The following CYP51A1 variants were observed in gnomAD, a reference collection of about 807,000 sequenced individuals.
CYP51A1 encodes the protein lanosterol 14-alpha demethylase.
Under a neutral mutation model 53.5 loss-of-function variants are expected in CYP51A1, and 45 were observed. The observed-to-expected ratio is 0.84, with a 90% CI of 0.66 to 1.08. CYP51A1 has a LOEUF of 1.08. CYP51A1 is among the 50% of genes least tolerant of loss of function. The pLI is 0.00. For synonymous variants in CYP51A1, 181 were observed against 217.7 expected, an observed-to-expected ratio of 0.83 and a Z score of 1.48; for missense variants, 462 against 621.7, an observed-to-expected ratio of 0.74 and a Z score of 2.73.
intron 3 of CYP51A1, among the ~76,000 whole-genome samples, chr7:92,128,653 T>C (rs543651963): frequency 2.2e-4 from 34 of 152,180 alleles, no homozygotes; most frequent in African/African-American, 7.5e-4. Context: ...CCCACCCAGC[T>C]AATTTTTGTA....
intron 5 of CYP51A1, among the ~76,000 whole-genome samples, chr7:92,125,144 C>CAAA (rs1232943204): frequency 3.4e-4 from 23 of 67,116 alleles, no homozygotes; most frequent in Admixed American, 1.9e-3. Flanking sequence ...ACTCCATCAC[C>CAAA]AAAAAAAAAA....
Position 92,128,990 on chromosome 7 carries a change from C to T in CYP51A1, c.358G>A (p.Ala120Thr). Reference sequence around the variant, plus strand: ...TTTTTACTATTAAAAAGCAGTGCAGCAGCATCACTCCCCAGAAGGTAAGTA... The same window carrying T: ...TTTTTACTATTAAAAAGCAGTGCAGTAGCATCACTCCCCAGAAGGTAAGTA... ...TFTYLLGSDA[A>T]ALLFNSKNED... Residue 120 changes from alanine (A) to threonine (T), a missense_variant, in exon 3 of 10, where the codon GCT (alanine) becomes ACT (threonine). By Grantham distance (58) the Ala-to-Thr change is moderately conservative. Coordinates refer to ENST00000003100, the MANE Select transcript of CYP51A1 (RefSeq NM_000786.4). The T allele has an allele frequency of 1.2e-6, 2 of 1,613,846 alleles. No homozygotes were observed. The highest frequency in any genetic ancestry group is 8.5e-7 in the Non-Finnish European group (1 of 1,179,844).
intron 5 of CYP51A1, among the ~76,000 whole-genome samples, chr7:92,124,972 T>C (rs1267597764): frequency 2.0e-5 from 3 of 152,082 alleles, no homozygotes; most frequent in East Asian, 1.9e-4. Flanking sequence ...TGAAACCCCA[T>C]CTCTACTAAA....
chr7:92,128,825 G>A (rs1819861193), intron 3 of CYP51A1, 55 bp downstream of exon 3: 2 of 1,398,930 alleles, frequency 1.4e-6, no homozygotes, highest in Non-Finnish European at 2.0e-6. Flanking sequence ...CTCACTATTA[G>A]CTATAACTAC....
At chr7:92,134,548 C>G, upstream of CYP51A1, 1 of 611,876 alleles carries the variant, frequency 1.6e-6, no homozygotes, top group Non-Finnish European at 2.8e-6. Context: ...GGATGTTCCG[C>G]TGGCCACGCC....
Position 92,129,064 on chromosome 7 carries a change from G to A in CYP51A1, c.292-8C>T, listed in dbSNP as rs769180947. ...ACTAAATACAGGTCCATACTAAAAA[G>A]AGAAAAGTACATATAGTGATGTTAC... On this transcript the variant is annotated splice_polypyrimidine_tract_variant and splice_region_variant and intron_variant, in intron 2 of 9. Coordinates refer to ENST00000003100, the MANE Select transcript of CYP51A1 (RefSeq NM_000786.4). The A allele has an allele frequency of 2.5e-6, 4 of 1,599,004 alleles. No homozygotes were observed. Among genetic ancestry groups the A allele is most frequent in the Admixed American group, 1.7e-5 (1 of 58,032 alleles).
intron 5 of CYP51A1, among the ~76,000 whole-genome samples, chr7:92,124,519 T>C (rs1563179779): frequency 6.6e-6 from 1 of 152,208 alleles, no homozygotes; most frequent in African/African-American, 2.4e-5. Flanking sequence ...GGAGCTGGAA[T>C]TTAAAACTAG....
intron 1 of CYP51A1, 23 bp downstream of exon 1, chr7:92,134,150 C>T: frequency 6.2e-7 from 1 of 1,609,152 alleles, no homozygotes; most frequent in East Asian, 2.2e-5. Context: ...GCGCCCCACT[C>T]AGACCCTAAA....
At position 92,112,238 on chromosome 7, in the gene CYP51A1, A is replaced by C. The variant is rs1192177890; in HGVS notation, c.*1427T>G. ...TTTAACATGAGTCTTCCAGTGTTTTAAAAAGAACTGTAATATACATAAAGC... is the reference window on the plus strand; with the variant it reads ...TTTAACATGAGTCTTCCAGTGTTTTCAAAAGAACTGTAATATACATAAAGC... On this transcript the variant is annotated 3_prime_UTR_variant, in exon 10 of 10. Transcript: ENST00000003100. The C allele has an allele frequency of 6.6e-6, 1 of 152,196 alleles. No individual in the cohort carries two copies. The highest frequency in any genetic ancestry group is 1.5e-5 in the Non-Finnish European group (1 of 68,042). 9.4% of individuals were successfully genotyped at this position (152,196 alleles called of 1,614,324 possible).
In CYP51A1 at chr7:92,113,860, G is replaced by T. The variant is rs1819521861; in HGVS notation, c.1352-17C>A. On this transcript the variant is annotated splice_polypyrimidine_tract_variant and intron_variant, in intron 9 of 9. Coordinates refer to ENST00000003100, the MANE Select transcript of CYP51A1 (RefSeq NM_000786.4). ...GATGACGCCCTAAAAAAAAGAAAAA[G>T]TTATAAGAATCAGTTTAAATTCTTT... 6.4e-7 allele frequency: 1 copy of T among 1,556,918 alleles called. No homozygotes were observed. Among genetic ancestry groups the T allele is most frequent in the Non-Finnish European group, 8.7e-7 (1 of 1,150,278 alleles).
At chr7:92,118,771 A>G (rs939100354) in intron 7 of CYP51A1, among the ~76,000 whole-genome samples, 156 bp from the exon 8 acceptor site, 13 of 152,176 alleles carry the variant, frequency 8.5e-5, no homozygotes, top group African/African-American at 3.1e-4. Flanking sequence ...ATGCTCTACC[A>G]CTGTCCATGG....
Position 92,113,185 on chromosome 7 carries a change from T to C in CYP51A1, c.*480A>G, listed in dbSNP as rs1181346841. On this transcript the variant is annotated 3_prime_UTR_variant, in exon 10 of 10. Coordinates refer to ENST00000003100, the MANE Select transcript of CYP51A1 (RefSeq NM_000786.4). ...ATTCTCTTATTCAAGGCTTTAGATG[T>C]TCGATTATTCCCTACCCTTCCATCC... The C allele has an allele frequency of 6.5e-6, 1 of 152,724 alleles. No individual in the cohort carries two copies. The allele number at this position is 152,724 out of a possible 1,614,324, so 9.5% of individuals were successfully genotyped here.
At chr7:92,117,294 A>AGTATCCCATGT in intron 8 of CYP51A1, 82 bp from the exon 9 acceptor site, 3 of 1,215,390 alleles carry the variant, frequency 2.5e-6, no homozygotes, top group African/African-American at 1.5e-5. Context: ...ATAAAGCATG[A>AGTATCCCATGT]ATATACATGG....
chr7:92,133,638 T>C (rs904446922), intron 1 of CYP51A1, among the ~76,000 whole-genome samples: 1 of 152,078 alleles, frequency 6.6e-6, no homozygotes, highest in African/African-American at 2.4e-5. Context: ...TACCACACTC[T>C]ACACATCCTC....
At chr7:92,131,900 A>G (rs1271407233) in intron 1 of CYP51A1, 28 bp from the exon 2 acceptor site, 14 of 1,336,686 alleles carry the variant, frequency 1.0e-5, no homozygotes, top group Admixed American at 3.4e-5. Context: ...AGTAAATTCA[A>G]TTCGTGTTTC....
intron 3 of CYP51A1, among the ~76,000 whole-genome samples, chr7:92,127,947 T>C (rs930490516): frequency 6.6e-6 from 1 of 152,240 alleles, no homozygotes; most frequent in Non-Finnish European, 1.5e-5. Context: ...ACTAGGGTAC[T>C]GGCTAATGTG....
At chr7:92,116,682 G>A (rs1478136560) in intron 9 of CYP51A1, among the ~76,000 whole-genome samples, 1 of 152,198 alleles carries the variant, frequency 6.6e-6, no homozygotes, top group African/African-American at 2.4e-5. Context: ...TTTGTGAAAT[G>A]CTAGTAATCT....
At chr7:92,134,545 C>T (rs1051871870), upstream of CYP51A1, 5 of 617,806 alleles carry the variant, frequency 8.1e-6, no homozygotes, top group East Asian at 3.0e-5. Flanking sequence ...GCGGGATGTT[C>T]CGCTGGCCAC....
chr7:92,124,576 A>C (rs1311768082), intron 5 of CYP51A1, among the ~76,000 whole-genome samples: 5 of 152,198 alleles, frequency 3.3e-5, no homozygotes, highest in Non-Finnish European at 5.9e-5. Context: ...TTCTAAAAAA[A>C]ACTCCTACTC....
Sources: gnomAD v4.1 joint callset for allele counts (sites outside exome capture counted in the v4.1 genomes callset) on GRCh38, gnomAD v4.1.1 for gene constraint, MANE v1.5 for transcripts, NCBI Gene and HGNC (gene_info 2026-07-23, HGNC 2026-07-21) for gene names.